GFI1B: variants seen among roughly 807,000 people sequenced by gnomAD.
GFI1B encodes the protein growth factor independent 1B transcriptional repressor.
Under a neutral mutation model 35.3 loss-of-function variants are expected in GFI1B, and 20 were observed. That is an observed-to-expected ratio of 0.57 (90% confidence interval 0.40 to 0.82). The LOEUF (loss-of-function observed/expected upper bound fraction) is 0.82. Among genes scored for constraint, GFI1B ranks in the 40% least tolerant of loss-of-function variants. The probability of loss-of-function intolerance (pLI) is 0.00; values close to 1 mark genes in which losing one functional copy is unlikely to be tolerated. For missense variants in GFI1B, 430 were observed against 446.3 expected (o/e 0.96, Z 0.33); for synonymous variants, 178 against 177.6 (o/e 1.00, Z -0.02).
At chr9:132,963,486 A>AATT (rs199870679) in intron 1 of GFI1B, among the ~76,000 whole-genome samples, 16 of 151,752 alleles carry the variant, frequency 1.1e-4, no homozygotes, top group Admixed American at 3.3e-4. Context: ...GTCTCAAAAA[A>AATT]ATTATTATTA....
chr9:132,976,444 ATG>A (rs1278285999), upstream of GFI1B: 1 of 152,184 alleles, frequency 6.6e-6, no homozygotes, highest in Non-Finnish European at 1.5e-5. Context: ...ATTGTTGGCA[ATG>A]TACAACACCC....
At chr9:132,976,779 A>AC (rs1400879513), upstream of GFI1B, among the ~76,000 whole-genome samples, 1 of 151,642 alleles carries the variant, frequency 6.6e-6, no homozygotes, top group African/African-American at 2.4e-5. Flanking sequence ...CCCCATCTCT[A>AC]AAAAAAATAA....
intron 1 of GFI1B, among the ~76,000 whole-genome samples, chr9:132,981,954 T>C (rs1156743069): frequency 2.0e-5 from 3 of 152,174 alleles, no homozygotes; most frequent in Non-Finnish European, 4.4e-5. Flanking sequence ...GGTTTCCCCA[T>C]GTTGGCCAGG....
intron 1 of GFI1B, among the ~76,000 whole-genome samples, chr9:132,963,291 C>G (rs1403639845): frequency 6.6e-6 from 1 of 151,810 alleles, no homozygotes; most frequent in Admixed American, 6.6e-5. Context: ...ACCAGCCTGG[C>G]CAACGTGGTG....
chr9:132,980,811 T>A (rs1848798697), intron 1 of GFI1B, among the ~76,000 whole-genome samples: 1 of 152,238 alleles, frequency 6.6e-6, no homozygotes, highest in African/African-American at 2.4e-5. Flanking sequence ...CATAAATCCT[T>A]CAGGTTCATC....
In GFI1B at chr9:132,989,626, C is replaced by T; in HGVS notation, c.649-116C>T. 4.0e-6 allele frequency: 3 copies of T among 755,510 alleles called. No individual in the cohort carries two copies. The highest frequency in any genetic ancestry group is 4.4e-5 in the Admixed American group (2 of 45,312). 46.8% of individuals were successfully genotyped at this position (755,510 alleles called of 1,614,324 possible). ...ACCTCAGAGGCAGAGATGAGGGGTC[C>T]CCCGGTCCTGCTCCTCCAGGCCGCC... On this transcript the variant is annotated intron_variant, in intron 5 of 6. Coordinates refer to ENST00000372122, the MANE Select transcript of GFI1B (RefSeq NM_001377304.1). The surrounding 1 kb of genome is among the most constrained non-coding windows in gnomAD (Gnocchi z 6.2).
chr9:132,987,823 A>AG (rs1849129787), intron 3 of GFI1B, among the ~76,000 whole-genome samples: 1 of 151,982 alleles, frequency 6.6e-6, no homozygotes, highest in African/African-American at 2.4e-5. Flanking sequence ...GGTGGTGGGA[A>AG]GGGGGTGCCC....
upstream of GFI1B, among the ~76,000 whole-genome samples, chr9:132,978,062 C>A (rs3011261): frequency 6.6e-6 from 1 of 150,824 alleles, no homozygotes; most frequent in Non-Finnish European, 1.5e-5. Context: ...GGCATTGCAC[C>A]AGCCTGGCTC....
chr9:132,954,893 A>G (rs1034329835), intron 1 of GFI1B, among the ~76,000 whole-genome samples: 16 of 151,744 alleles, frequency 1.1e-4, no homozygotes, highest in South Asian at 2.1e-4. Flanking sequence ...TAATTTTTTT[A>G]TTTTTAGTAG....
At chr9:132,969,506 C>T (rs1055519453) in intron 1 of GFI1B, among the ~76,000 whole-genome samples, 1 of 152,302 alleles carries the variant, frequency 6.6e-6, no homozygotes, top group South Asian at 2.1e-4. Context: ...GTCGTATGGA[C>T]CAACTACATT....
chr9:132,989,205 A>C lies in GFI1B; in HGVS notation c.648+7A>C. 1 of 1,611,374 alleles carries C rather than the reference A, an allele frequency of 6.2e-7. No individual in the cohort carries two copies. The highest frequency in any genetic ancestry group is 1.7e-4 in the Middle Eastern group (1 of 5,814). On this transcript the variant is annotated splice_region_variant and intron_variant, in intron 5 of 6. Coordinates refer to ENST00000372122, the MANE Select transcript of GFI1B (RefSeq NM_001377304.1). This position sits in a 1 kb window ranked among gnomAD's most constrained non-coding sequence, Gnocchi z 6.2. ...CACGCACGTCCACTCCCAGGTGGGC[A>C]CCTGGCCCAGCGCAGGACTCCCAGC...
chr9:132,961,507 C>T (rs1028998000), intron 1 of GFI1B, among the ~76,000 whole-genome samples: 1 of 151,772 alleles, frequency 6.6e-6, no homozygotes, highest in African/African-American at 2.4e-5. Flanking sequence ...AAAAGACAGC[C>T]TCACTCAACA....
chr9:132,988,374 G>A lies in GFI1B; in HGVS notation c.416G>A (p.Gly139Asp). 6.2e-7 allele frequency: 1 copy of A among 1,614,074 alleles called. No individual in the cohort carries two copies. The highest frequency in any genetic ancestry group is 8.5e-7 in the Non-Finnish European group (1 of 1,179,950). Residue 139 changes from glycine to aspartate, a missense_variant, in exon 4 of 7, where the codon GGC becomes GAC. Physicochemically the swap from Gly to Asp is moderately conservative, Grantham distance 94 (BLOSUM62 -1). Transcript: ENST00000372122. ...AFLEHSVSLYGSPLVPSTEPA... is the reference protein window; with the variant it reads ...AFLEHSVSLYDSPLVPSTEPA... ...CTGGAGCACTCCGTCAGCCTGTACG[G>A]CAGTCCTCTTGTGCCCAGCACTGAG...
At chr9:132,949,268 TACACACACACACACACAC>T (rs36015720) in intron 1 of GFI1B, among the ~76,000 whole-genome samples, 7 of 137,588 alleles carry the variant, frequency 5.1e-5, no homozygotes, top group Non-Finnish European at 1.1e-4. Flanking sequence ...AACCCACAGA[TACACACACACACACACAC>T]ACACACACAC....
intron 1 of GFI1B, among the ~76,000 whole-genome samples, chr9:132,958,731 C>T (rs1848320475): frequency 6.6e-6 from 1 of 152,162 alleles, no homozygotes; most frequent in Non-Finnish European, 1.5e-5. Flanking sequence ...TGGGTGGTGC[C>T]ATTCCCTGAG....
chr9:132,955,214 G>A (rs1005514974), intron 1 of GFI1B, among the ~76,000 whole-genome samples: 7 of 152,046 alleles, frequency 4.6e-5, no homozygotes, highest in African/African-American at 1.7e-4. Context: ...TTGTCTGAAA[G>A]AGTATTTTAC....
Position 132,989,101 on chromosome 9 carries a change from G to C in GFI1B, c.551G>C (p.Arg184Pro), listed in dbSNP as rs570058270. The C allele has an allele frequency of 3.1e-6, 5 of 1,613,898 alleles. No homozygotes were observed. The highest frequency in any genetic ancestry group is 2.7e-5 in the African/African-American group (2 of 75,050). The change falls in exon 5 of 7, where the codon CGC becomes CCC. Residue 184 changes from arginine (R) to proline (P), a missense_variant. Coordinates refer to ENST00000372122, the MANE Select transcript of GFI1B (RefSeq NM_001377304.1). The surrounding 1 kb of genome is among the most constrained non-coding windows in gnomAD (Gnocchi z 6.2). ...TPHGLEVHVR[R>P]SHSGTRPFAC... ...CACGGGCTCGAAGTGCATGTGCGAC[G>C]CTCCCATAGTGGGACCCGGCCCTTC...
downstream of GFI1B, among the ~76,000 whole-genome samples, chr9:132,992,526 G>A (rs1461914620): frequency 2.0e-5 from 3 of 152,036 alleles, no homozygotes; most frequent in Non-Finnish European, 2.9e-5. Context: ...CCCTTCCACC[G>A]ATTCGCTGAG....
chr9:132,970,729 T>G (rs1848521535), intron 1 of GFI1B, among the ~76,000 whole-genome samples: 1 of 152,116 alleles, frequency 6.6e-6, no homozygotes, highest in South Asian at 2.1e-4. Context: ...ATAAAGCCCC[T>G]CCACCCTGTC....
Sources: allele counts gnomAD v4.1 joint callset (sites outside exome capture counted in the v4.1 genomes callset), GRCh38; gene constraint gnomAD v4.1.1; non-coding constraint Gnocchi (gnomAD v3.1); transcripts MANE v1.5; gene names NCBI Gene and HGNC (gene_info 2026-07-23, HGNC 2026-07-21).